Variants in SLC39A11 observed in about 807,000 individuals in gnomAD.
The protein encoded by SLC39A11 is solute carrier family 39 member 11.
Under a neutral mutation model 36.1 loss-of-function variants are expected in SLC39A11, and 33 were observed. The observed-to-expected ratio is 0.91, with a 90% confidence interval of 0.69 to 1.22. The LOEUF (loss-of-function observed/expected upper bound fraction) is 1.22, where lower values mean the gene tolerates loss of function less well. SLC39A11 is among the 50% of genes most tolerant of loss of function. The pLI, the probability that SLC39A11 is intolerant of heterozygous loss-of-function variation, is 0.00. For missense variants in SLC39A11, 432 were observed against 430.3 expected (o/e 1.00, Z -0.03); for synonymous variants, 166 against 170.3 (o/e 0.97, Z 0.20).
chr17:72,928,460 A>G (rs2084184350), intron 5 of SLC39A11, among the ~76,000 whole-genome samples: 2 of 152,232 alleles, frequency 1.3e-5, no homozygotes, highest in African/African-American at 4.8e-5. Context: ...AAGCTCTGAA[A>G]AGAGAAAATA....
At chr17:72,701,150 T>A (rs900617935) in intron 7 of SLC39A11, among the ~76,000 whole-genome samples, 12 of 152,274 alleles carry the variant, frequency 7.9e-5, no homozygotes, top group Non-Finnish European at 4.4e-5. Flanking sequence ...GGTCTCATTT[T>A]GCAGTTCTCA....
chr17:73,021,347 T>A (rs7220572), intron 4 of SLC39A11, among the ~76,000 whole-genome samples: 3 of 150,388 alleles, frequency 2.0e-5, no homozygotes, highest in Admixed American at 6.6e-5. Context: ...TCTTTCTTTC[T>A]TTTTTTTTTT....
At chr17:73,067,365 G>A (rs2060026897) in intron 3 of SLC39A11, among the ~76,000 whole-genome samples, 1 of 152,176 alleles carries the variant, frequency 6.6e-6, no homozygotes. Flanking sequence ...AGGCAGATGT[G>A]ATGACTTGAG....
At chr17:73,075,569 G>A (rs1169830716) in intron 3 of SLC39A11, among the ~76,000 whole-genome samples, 3 of 152,082 alleles carry the variant, frequency 2.0e-5, no homozygotes, top group African/African-American at 4.8e-5. Flanking sequence ...TCCTGGATAT[G>A]AGGCCGGGCG....
intron 6 of SLC39A11, among the ~76,000 whole-genome samples, chr17:72,807,994 A>G (rs1448393845): frequency 6.6e-6 from 1 of 152,132 alleles, no homozygotes; most frequent in Non-Finnish European, 1.5e-5. Context: ...ATTGAGTTAA[A>G]TTGTAAGGCA....
intron 5 of SLC39A11, among the ~76,000 whole-genome samples, chr17:72,867,790 G>GCA (rs1269068062): frequency 2.0e-5 from 3 of 147,340 alleles, no homozygotes; most frequent in South Asian, 2.2e-4. Context: ...ACACACACAC[G>GCA]CACACACACC....
At chr17:72,902,578 ATGCAG>A (rs1219102272) in intron 5 of SLC39A11, among the ~76,000 whole-genome samples, 4 of 152,258 alleles carry the variant, frequency 2.6e-5, no homozygotes, top group Non-Finnish European at 5.9e-5. Flanking sequence ...TAGGAAATGA[ATGCAG>A]TTGCTAAGCG....
chr17:73,012,373 A>C (rs2090571074), intron 4 of SLC39A11, among the ~76,000 whole-genome samples: 2 of 152,196 alleles, frequency 1.3e-5, no homozygotes, highest in South Asian at 4.1e-4. Context: ...TGTGATCGTT[A>C]TACGTGACTA....
chr17:72,871,096 C>T (rs1340096567), intron 5 of SLC39A11, among the ~76,000 whole-genome samples: 1 of 136,494 alleles, frequency 7.3e-6, no homozygotes, highest in Non-Finnish European at 1.5e-5. Flanking sequence ...CAGAGTCTCT[C>T]TGTTGCCCCA....
chr17:72,765,627 G>A (rs2075732915), intron 6 of SLC39A11, among the ~76,000 whole-genome samples: 1 of 152,126 alleles, frequency 6.6e-6, no homozygotes, highest in African/African-American at 2.4e-5. Flanking sequence ...GAAGGTCCAG[G>A]GAGCTGGGCT....
intron 5 of SLC39A11, among the ~76,000 whole-genome samples, chr17:72,858,610 G>A (rs2079787796): frequency 6.6e-6 from 1 of 152,310 alleles, no homozygotes. Context: ...ATCTCCATAA[G>A]CATAGAATGT....
At chr17:72,693,653 C>A (rs890023715) in intron 7 of SLC39A11, among the ~76,000 whole-genome samples, 2 of 152,158 alleles carry the variant, frequency 1.3e-5, no homozygotes, top group Non-Finnish European at 2.9e-5. Context: ...GAAACAGCAG[C>A]CCGCAGCTGC....
chr17:72,713,168 C>T (rs753962129), intron 7 of SLC39A11, among the ~76,000 whole-genome samples: 4 of 152,094 alleles, frequency 2.6e-5, no homozygotes, highest in Non-Finnish European at 4.4e-5. Flanking sequence ...CCGTGGAGTT[C>T]GTGGTGGAGA....
chr17:72,717,815 G>A (rs1010649142), intron 7 of SLC39A11, among the ~76,000 whole-genome samples: 4 of 152,164 alleles, frequency 2.6e-5, no homozygotes, highest in African/African-American at 9.7e-5. Flanking sequence ...CTCTTGCTCT[G>A]TAGCTCTCCC....
At chr17:73,037,063 G>T (rs1163225364) in intron 3 of SLC39A11, among the ~76,000 whole-genome samples, 1 of 152,156 alleles carries the variant, frequency 6.6e-6, no homozygotes, top group Non-Finnish European at 1.5e-5. Flanking sequence ...ACTTGATAAA[G>T]CATTTCCTTT....
chr17:73,012,945 C>T (rs1303691683), intron 4 of SLC39A11, among the ~76,000 whole-genome samples: 2 of 151,982 alleles, frequency 1.3e-5, no homozygotes, highest in African/African-American at 4.8e-5. Context: ...ACTACAAGTG[C>T]GAGCCACCAG....
chr17:72,751,758 G>A (rs549017244), intron 6 of SLC39A11, among the ~76,000 whole-genome samples: 1 of 152,204 alleles, frequency 6.6e-6, no homozygotes, highest in African/African-American at 2.4e-5. Flanking sequence ...TGTAATTTTG[G>A]TAGAGACAGG....
At chr17:72,946,831 G>A (rs2085460246) in intron 5 of SLC39A11, among the ~76,000 whole-genome samples, 2 of 152,280 alleles carry the variant, frequency 1.3e-5, no homozygotes, top group African/African-American at 4.8e-5. Flanking sequence ...CCCGAGGCTG[G>A]AAAACAATGT....
intron 5 of SLC39A11, among the ~76,000 whole-genome samples, chr17:72,927,239 TAA>T (rs34012996): frequency 1.3e-5 from 2 of 150,210 alleles, no homozygotes; most frequent in Admixed American, 1.3e-4. Context: ...TTGGTAGAGA[TAA>T]AAAAAAAATG....
Sources: allele counts gnomAD v4.1 joint callset (sites outside exome capture counted in the v4.1 genomes callset), GRCh38; gene constraint gnomAD v4.1.1; transcripts MANE v1.5; gene names NCBI Gene and HGNC (gene_info 2026-07-23, HGNC 2026-07-21).